Variants in MTHFD1L observed in about 807,000 individuals in gnomAD.
MTHFD1L encodes the protein monofunctional C1-tetrahydrofolate synthase, mitochondrial.
Under a neutral mutation model 119.5 loss-of-function variants are expected in MTHFD1L, and 81 were observed. The observed-to-expected ratio is 0.68, with a 90% CI of 0.57 to 0.82. The LOEUF (loss-of-function observed/expected upper bound fraction) is 0.82, where lower values mean the gene tolerates loss of function less well. Among genes scored for constraint, MTHFD1L ranks in the 40% least tolerant of loss-of-function variants. The pLI is 0.00. For missense variants in MTHFD1L, 1,125 were observed against 1,253.4 expected, an observed-to-expected ratio of 0.90 and a Z score of 1.55; for synonymous variants, 430 against 475.2, an observed-to-expected ratio of 0.90 and a Z score of 1.24.
chr6:151,037,929 A>C (rs1486634571), intron 26 of MTHFD1L, among the ~76,000 whole-genome samples: 2 of 152,218 alleles, frequency 1.3e-5, no homozygotes, highest in Admixed American at 6.5e-5. Flanking sequence ...CATTATCGTC[A>C]TCATTAGTGC....
intron 26 of MTHFD1L, among the ~76,000 whole-genome samples, chr6:151,090,421 A>T (rs1022778833): frequency 3.9e-5 from 6 of 152,192 alleles, no homozygotes. Flanking sequence ...CCAGTTGCAG[A>T]TTCAAATGCA....
At chr6:150,984,959 C>G (rs552189040) in intron 20 of MTHFD1L, 1 of 152,144 alleles carries the variant, frequency 6.6e-6, no homozygotes, top group Non-Finnish European at 1.5e-5. Flanking sequence ...TTGAATTGCT[C>G]TTTGCCATGT....
rs1020291479 is a variant in MTHFD1L, at chr6:150,887,845, G to T, written c.644G>T (p.Gly215Val). The change falls in exon 7 of 28, where the codon GGT becomes GTT. Residue 215 changes from glycine to valine, a missense_variant and splice_region_variant. Around this residue, in one of 3 missense-constraint regions of MTHFD1L, gnomAD observed 1,058 missense variants for 1,151.2 expected, o/e 0.92. Transcript: ENST00000367321. ...KAVIELLEKSGVNLDGKKILV... is the reference protein window; with the variant it reads ...KAVIELLEKSVVNLDGKKILV... The stretch of plus-strand genomic sequence containing the variant: ...TATTGAATTTTCATTTGGTTAGTAG[G>T]TGTCAACCTAGATGGAAAGAAGATT... 3.1e-6 allele frequency: 5 copies of T among 1,594,494 alleles called. No homozygotes were observed. In the African/African-American group the frequency reaches 4.1e-5, roughly 13 times the overall value.
chr6:151,016,768 C>G (rs1267389681), intron 24 of MTHFD1L: 3 of 209,758 alleles, frequency 1.4e-5, no homozygotes, highest in Non-Finnish European at 2.6e-5. Flanking sequence ...CTATCTTAGC[C>G]TTTTTTTTTT....
At chr6:151,010,314 AT>A (rs1266740275) in intron 21 of MTHFD1L, among the ~76,000 whole-genome samples, 4 of 152,208 alleles carry the variant, frequency 2.6e-5, no homozygotes, top group African/African-American at 7.2e-5. Context: ...CCATATGGTA[AT>A]GGGAGGTTAG....
At position 150,992,709 on chromosome 6, in the gene MTHFD1L, A is replaced by G. The variant is rs114247241; in HGVS notation, c.2126-17110A>G. On this transcript the variant is annotated intron_variant, in intron 20 of 27. Coordinates refer to ENST00000367321, the MANE Select transcript of MTHFD1L (RefSeq NM_015440.5). ...ATGTTTAGTGGGCCAGGGGCCTTAC[A>G]TTACTTTCTTGCAGCACTGATGGCT... 2.5e-3 allele frequency among the ~76,000 whole-genome samples: 388 copies of G among 152,300 alleles called. 3 individuals are homozygous for G. Among genetic ancestry groups the G allele is most frequent in the African/African-American group, 8.6e-3 (358 of 41,556 alleles).
In MTHFD1L at chr6:151,012,328, A is replaced by G. The variant is rs547243647; in HGVS notation, c.2266-1451A>G. Among the ~76,000 whole-genome samples, 5 of 151,410 alleles carry G rather than the reference A, an allele frequency of 3.3e-5. No individual in the cohort carries two copies. In the South Asian group the frequency reaches 8.4e-4, roughly 25 times the overall value. On this transcript the variant is annotated intron_variant, in intron 21 of 27. Transcript: ENST00000367321. ...GCTCATCTCGGTGTCCTTCCTTCAT[A>G]TTGAATAGCTCTGTATTTTTGAACC...
chr6:151,081,355 TA>T (rs1793141727), intron 26 of MTHFD1L, among the ~76,000 whole-genome samples: 1 of 152,076 alleles, frequency 6.6e-6, no homozygotes, highest in Admixed American at 6.6e-5. Context: ...ATGATGGATG[TA>T]ATTTTCCTGA....
chr6:151,012,000 T>TCAACAACAACAACAACAA (rs773521876), intron 21 of MTHFD1L, among the ~76,000 whole-genome samples: 2 of 63,748 alleles, frequency 3.1e-5, no homozygotes, highest in African/African-American at 1.8e-4. Flanking sequence ...AAAGTCCATC[T>TCAACAACAACAACAACAA]CAACAACAAC....
chr6:150,930,591 A>G (rs1790871651), intron 11 of MTHFD1L, among the ~76,000 whole-genome samples: 1 of 152,064 alleles, frequency 6.6e-6, no homozygotes, highest in Non-Finnish European at 1.5e-5. Context: ...CATTGAGATC[A>G]TGCTATAAAT....
At chr6:151,072,063 G>A (rs149557541) in intron 26 of MTHFD1L, among the ~76,000 whole-genome samples, 5,049 of 151,912 alleles carry the variant, frequency 0.033, 172 homozygotes, top group Admixed American at 0.11. Context: ...GGCTAGTCTC[G>A]AACTCCTGAC....
chr6:150,944,541 T>C lies in MTHFD1L; in HGVS notation c.1496T>C (p.Leu499Pro). The C allele has an allele frequency of 1.2e-6, 2 of 1,614,192 alleles. No homozygotes were observed. The highest frequency in any genetic ancestry group is 1.7e-6 in the Non-Finnish European group (2 of 1,180,028). Reference protein sequence around the residue: ...IHAITAANNLLAAAIDTRILH... With the variant: ...IHAITAANNLPAAAIDTRILH... ...GCCATCACCGCTGCCAATAACTTGC[T>C]GGCTGCCGCCATCGACACGAGGATT... The change falls in exon 14 of 28, where the codon CTG becomes CCG. Residue 499 changes from leucine to proline, a missense_variant. Physicochemically the swap from Leu to Pro is moderately conservative, Grantham distance 98. Around this residue, in one of 3 missense-constraint regions of MTHFD1L, gnomAD observed 1,058 missense variants for 1,151.2 expected, o/e 0.92. Transcript: ENST00000367321.
intron 26 of MTHFD1L, among the ~76,000 whole-genome samples, chr6:151,042,296 A>G (rs7765575): frequency 0.7 from 107,158 of 152,100 alleles, 38,303 homozygotes; most frequent in Non-Finnish European, 0.74. Context: ...TTTTTATGAC[A>G]TGATACATAT....
chr6:150,936,687 AATT>A, intron 11 of MTHFD1L, 114 bp from the exon 12 acceptor site: 1 of 1,239,056 alleles, frequency 8.1e-7, no homozygotes, highest in Non-Finnish European at 1.1e-6. Context: ...GAGAAAATTA[AATT>A]ATGGAGTGCA....
intron 13 of MTHFD1L, among the ~76,000 whole-genome samples, chr6:150,939,606 G>T (rs1271865834): frequency 6.6e-6 from 1 of 151,572 alleles, no homozygotes; most frequent in South Asian, 2.1e-4. Flanking sequence ...GGAGGTCCTC[G>T]TGGGTGGCTG....
At chr6:150,966,218 C>G (rs1797192339) in intron 19 of MTHFD1L, among the ~76,000 whole-genome samples, 1 of 152,124 alleles carries the variant, frequency 6.6e-6, no homozygotes, top group African/African-American at 2.4e-5. Flanking sequence ...GCTCACAGTT[C>G]TGCAGGCTGT....
chr6:151,036,968 T>TTTGGAAA lies in MTHFD1L; in HGVS notation c.2701_2707dup (p.Leu903TrpfsTer19). The TTTGGAAA allele has an allele frequency of 6.2e-7, 1 of 1,611,992 alleles. No individual in the cohort carries two copies. The highest frequency in any genetic ancestry group is 2.2e-5 in the East Asian group (1 of 44,886). On this transcript the variant is annotated frameshift_variant, in exon 26 of 28. Coordinates refer to ENST00000367321, the MANE Select transcript of MTHFD1L (RefSeq NM_015440.5). LOFTEE classifies it high-confidence loss of function. ...CATTTTCTTTCCTTTCTCACAGGGT[T>TTTGGAAA]TTGGAAATTTGCCCATCTGCATGGC...
chr6:150,898,994 C>T, intron 7 of MTHFD1L: 2 of 1,020,360 alleles, frequency 2.0e-6, no homozygotes, highest in Non-Finnish European at 2.3e-6. Flanking sequence ...TATATCCATT[C>T]CCAGAATGGT....
At position 150,945,534 on chromosome 6, in the gene MTHFD1L, G is replaced by A. The variant is rs766782362; in HGVS notation, c.1616G>A (p.Arg539Gln). The A allele has an allele frequency of 1.1e-5, 18 of 1,613,614 alleles. No individual in the cohort carries two copies. Among genetic ancestry groups the A allele is most frequent in the Admixed American group, 1.7e-5 (1 of 59,966 alleles). Residue 539 changes from arginine (R) to glutamine (Q), a missense_variant, in exon 15 of 28, where the codon CGG becomes CAG. Physicochemically the swap from Arg to Gln is conservative, Grantham distance 43. Transcript: ENST00000367321. ...GAATTTTCAGAAATTCAGCTTGCTC[G>A]GCTAAAAGTAAGTTTCCAGTTAGCA... is the stretch of plus-strand genomic sequence containing the variant. The part of the protein sequence containing the change: ...VREFSEIQLA[R>Q]LKKLGINKTD...
Sources: allele counts gnomAD v4.1 joint callset (sites outside exome capture counted in the v4.1 genomes callset), GRCh38; gene constraint gnomAD v4.1.1; regional missense constraint gnomAD v4.1.1; transcripts MANE v1.5; gene names NCBI Gene and HGNC (gene_info 2026-07-23, HGNC 2026-07-21).